LAMA2: variants seen among roughly 807,000 people sequenced by gnomAD.
LAMA2 encodes the protein laminin subunit alpha-2.
Under a neutral mutation model 364.8 loss-of-function variants are expected in LAMA2, and 269 were observed. The observed-to-expected ratio is 0.74, with a 90% CI of 0.67 to 0.82. The LOEUF (loss-of-function observed/expected upper bound fraction) is 0.82. Among genes scored for constraint, LAMA2 ranks in the 40% least tolerant of loss-of-function variants. The pLI is 0.00. For missense variants in LAMA2, 3,807 were observed against 3,873.2 expected (o/e 0.98, Z 0.45); for synonymous variants, 1,379 against 1,370.6 (o/e 1.01, Z -0.14).
chr6:129,260,268 G>T (rs1787024522), intron 14 of LAMA2, among the ~76,000 whole-genome samples: 1 of 152,008 alleles, frequency 6.6e-6, no homozygotes. Context: ...AAACAAAATT[G>T]TTTCCATCTT....
At chr6:129,147,155 A>G (rs1446185882) in intron 6 of LAMA2, 107 bp downstream of exon 6, 7 of 776,692 alleles carry the variant, frequency 9.0e-6, no homozygotes, top group African/African-American at 1.7e-5. Flanking sequence ...TCAGGTCCCC[A>G]CTTAGACAGT....
At chr6:129,452,543 C>A (rs1782731583) in intron 45 of LAMA2, among the ~76,000 whole-genome samples, 2 of 152,032 alleles carry the variant, frequency 1.3e-5, no homozygotes, top group African/African-American at 2.4e-5. Context: ...TGGTAATTTC[C>A]TCTTGAAAAC....
chr6:129,104,912 T>C (rs1461766404), intron 4 of LAMA2, among the ~76,000 whole-genome samples: 1 of 152,148 alleles, frequency 6.6e-6, no homozygotes, highest in Non-Finnish European at 1.5e-5. Flanking sequence ...TATTCTGAGC[T>C]ATGAGATAAT....
chr6:129,132,680 G>A (rs1338660402), intron 4 of LAMA2, among the ~76,000 whole-genome samples: 1 of 152,154 alleles, frequency 6.6e-6, no homozygotes, highest in Non-Finnish European at 1.5e-5. Context: ...AAAGGGTGGA[G>A]CACATCCTGC....
At chr6:129,221,054 C>A (rs1017651496) in intron 12 of LAMA2, among the ~76,000 whole-genome samples, 1 of 151,404 alleles carries the variant, frequency 6.6e-6, no homozygotes, top group African/African-American at 2.4e-5. Context: ...CCCAGCTACT[C>A]GTGAGGCTGA....
chr6:129,509,873 G>C (rs527744502), intron 62 of LAMA2, among the ~76,000 whole-genome samples: 3 of 152,126 alleles, frequency 2.0e-5, no homozygotes, highest in African/African-American at 4.8e-5. Context: ...TTCTATTTCT[G>C]TGAAGAATCT....
intron 35 of LAMA2, among the ~76,000 whole-genome samples, chr6:129,389,163 A>G (rs767500768): frequency 6.6e-6 from 1 of 152,206 alleles, no homozygotes; most frequent in Non-Finnish European, 1.5e-5. Context: ...CACCCTCACT[A>G]ACTTCTAGGA....
rs1465386227 is a variant in LAMA2 at position 129,153,283 on chromosome 6, T to C, written c.1028-1222T>C. 2.0e-5 allele frequency among the ~76,000 whole-genome samples: 3 copies of C among 152,194 alleles called. 1 individual carries two copies. Reference sequence around the variant, plus strand: ...ATTATCTCACTTGTGCTTTTAAATATCCCAATCTAGTAATTACTATTGACC... The same window carrying C: ...ATTATCTCACTTGTGCTTTTAAATACCCCAATCTAGTAATTACTATTGACC... On this transcript the variant is annotated intron_variant, in intron 7 of 64. Transcript: ENST00000421865.
intron 12 of LAMA2, among the ~76,000 whole-genome samples, chr6:129,219,608 A>T (rs930390280): frequency 6.7e-6 from 1 of 148,404 alleles, no homozygotes; most frequent in African/African-American, 2.5e-5. Context: ...CTGGATTAAG[A>T]AAATGTGGCA....
intron 4 of LAMA2, among the ~76,000 whole-genome samples, chr6:129,100,011 C>CTAATA (rs1204451568): frequency 3.9e-5 from 6 of 152,150 alleles, no homozygotes; most frequent in African/African-American, 1.4e-4. Flanking sequence ...TTACATAAGA[C>CTAATA]TAATAATTCT....
At chr6:129,067,158 AT>A (rs1237963381) in intron 3 of LAMA2, among the ~76,000 whole-genome samples, 2 of 152,218 alleles carry the variant, frequency 1.3e-5, no homozygotes, top group African/African-American at 4.8e-5. Flanking sequence ...TGTTGGTACT[AT>A]TTGGGTCACT....
intron 45 of LAMA2, among the ~76,000 whole-genome samples, chr6:129,448,458 A>G (rs1782503201): frequency 6.6e-6 from 1 of 152,196 alleles, no homozygotes. Context: ...TTTTTTCCAA[A>G]TGAGTTTTGT....
rs924400615 is a variant in LAMA2 at position 129,460,350 on chromosome 6, G to A, written c.6992+26G>A. On this transcript the variant is annotated intron_variant, in intron 49 of 64. Coordinates refer to ENST00000421865, the MANE Select transcript of LAMA2 (RefSeq NM_000426.4). ...GTTAGTTGAGATGAGAACTCTCCCA[G>A]GGTCTGTCCTGTGCATAATAAAAGC... 1.9e-6 allele frequency: 3 copies of A among 1,609,276 alleles called. No individual in the cohort carries two copies. In the African/African-American group the frequency reaches 4.0e-5, roughly 22 times the overall value.
At chr6:128,921,761 A>G (rs576385399) in intron 1 of LAMA2, among the ~76,000 whole-genome samples, 74 of 148,738 alleles carry the variant, frequency 5.0e-4, no homozygotes, top group Non-Finnish European at 8.1e-4. Flanking sequence ...CAATGTGCCG[A>G]TTAGTTACAT....
chr6:128,941,893 C>T (rs1780183689), intron 1 of LAMA2, among the ~76,000 whole-genome samples: 1 of 152,066 alleles, frequency 6.6e-6, no homozygotes, highest in Admixed American at 6.6e-5. Flanking sequence ...CTGAGAAGTT[C>T]AGAGGTAGAA....
chr6:129,438,054 A>G (rs940100026), intron 41 of LAMA2, among the ~76,000 whole-genome samples: 1 of 151,652 alleles, frequency 6.6e-6, no homozygotes, highest in Non-Finnish European at 1.5e-5. Flanking sequence ...AGAGAAAAAA[A>G]CTATATAAAA....
At chr6:129,130,008 G>A (rs1457625331) in intron 4 of LAMA2, among the ~76,000 whole-genome samples, 1 of 152,086 alleles carries the variant, frequency 6.6e-6, no homozygotes, top group Admixed American at 6.5e-5. Context: ...TAGCTGTTAG[G>A]AGGAAGCATT....
At chr6:129,233,518 A>G (rs1185468626) in intron 12 of LAMA2, among the ~76,000 whole-genome samples, 1 of 152,188 alleles carries the variant, frequency 6.6e-6, no homozygotes, top group Non-Finnish European at 1.5e-5. Flanking sequence ...TAAGAAAATC[A>G]TAAGGAAGAT....
rs77967079 is a variant in LAMA2 at position 129,196,510 on chromosome 6, G to A, written c.1782+3657G>A. ...GTTGGATTTGTGGGAGTTGAAAGAT[G>A]AATTCTGTCTTGCTTTACAAAATAA... On this transcript the variant is annotated intron_variant, in intron 12 of 64. Transcript: ENST00000421865. Among the ~76,000 whole-genome samples the A allele has an allele frequency of 2.8e-3, 432 of 152,226 alleles. 2 individuals carry two copies. Among genetic ancestry groups the A allele is most frequent in the African/African-American group, 9.4e-3 (391 of 41,544 alleles).
Sources: allele counts gnomAD v4.1 joint callset (sites outside exome capture counted in the v4.1 genomes callset), GRCh38; gene constraint gnomAD v4.1.1; transcripts MANE v1.5; gene names NCBI Gene and HGNC (gene_info 2026-07-23, HGNC 2026-07-21).